LTBP1: variants seen among roughly 807,000 people sequenced by gnomAD.
LTBP1 encodes latent transforming growth factor beta binding protein 1.
Under a neutral mutation model 207.6 loss-of-function variants are expected in LTBP1, and 129 were observed. The observed-to-expected ratio is 0.62, with a 90% confidence interval of 0.54 to 0.72. The LOEUF (loss-of-function observed/expected upper bound fraction) is 0.72, where lower values mean the gene tolerates loss of function less well. Ranked by LOEUF, LTBP1 falls within the 30% of genes least tolerant of loss-of-function variation. LTBP1 has a pLI of 0.00. For synonymous variants in LTBP1, 963 were observed against 833.7 expected (o/e 1.16, Z -2.67); for missense variants, 2,281 against 2,217.2 (o/e 1.03, Z -0.58).
chr2:33,004,091 T>C (rs1686426563), intron 2 of LTBP1, among the ~76,000 whole-genome samples: 1 of 127,848 alleles, frequency 7.8e-6, no homozygotes, highest in Non-Finnish European at 1.6e-5. Flanking sequence ...CATTCCTTAA[T>C]AAATATCATT....
chr2:33,113,977 A>T (rs1283364293), intron 4 of LTBP1, among the ~76,000 whole-genome samples: 2 of 152,172 alleles, frequency 1.3e-5, no homozygotes, highest in Non-Finnish European at 2.9e-5. Context: ...GGTAGCTGGG[A>T]TTACAGGTGT....
intron 5 of LTBP1, among the ~76,000 whole-genome samples, chr2:33,153,379 C>A (rs1408455305): frequency 6.6e-6 from 1 of 152,080 alleles, no homozygotes; most frequent in Non-Finnish European, 1.5e-5. Flanking sequence ...TCCTTGGTGG[C>A]CTGAAGGAAG....
At chr2:33,361,402 T>TC in intron 27 of LTBP1, 27 bp from the exon 28 acceptor site, 1 of 1,437,674 alleles carries the variant, frequency 7.0e-7, no homozygotes, top group Non-Finnish European at 9.4e-7. Context: ...TGAATCTTTT[T>TC]TTTTTTTTTG....
chr2:33,169,632 A>T (rs971505944), intron 5 of LTBP1, among the ~76,000 whole-genome samples: 1 of 152,264 alleles, frequency 6.6e-6, no homozygotes, highest in Non-Finnish European at 1.5e-5. Context: ...AATAGCACTT[A>T]TAAACTTAAT....
At chr2:33,058,626 T>G (rs1300832443) in intron 3 of LTBP1, among the ~76,000 whole-genome samples, 3 of 152,234 alleles carry the variant, frequency 2.0e-5, no homozygotes, top group Non-Finnish European at 4.4e-5. Flanking sequence ...TATCTTACAT[T>G]TGTGTTTTAA....
At chr2:33,131,546 A>G (rs1415235236) in intron 4 of LTBP1, among the ~76,000 whole-genome samples, 2 of 152,254 alleles carry the variant, frequency 1.3e-5, no homozygotes, top group Non-Finnish European at 2.9e-5. Context: ...TGTCAAAAGC[A>G]GTAGTGCATT....
chr2:33,292,463 C>A (rs998068562), intron 19 of LTBP1, among the ~76,000 whole-genome samples: 4 of 152,172 alleles, frequency 2.6e-5, no homozygotes, highest in African/African-American at 7.2e-5. Context: ...GTTCCTTCCT[C>A]CATAAAATGG....
chr2:33,162,459 A>G (rs1444621196), intron 5 of LTBP1, among the ~76,000 whole-genome samples: 1 of 152,204 alleles, frequency 6.6e-6, no homozygotes, highest in African/African-American at 2.4e-5. Context: ...TTTTAATCAT[A>G]ACAACTCTGA....
At chr2:32,975,163 T>C (rs1481206554) in intron 2 of LTBP1, among the ~76,000 whole-genome samples, 1 of 152,212 alleles carries the variant, frequency 6.6e-6, no homozygotes, top group Non-Finnish European at 1.5e-5. Flanking sequence ...ATAAAACTCT[T>C]GGTTGAAGTT....
At chr2:33,345,326 G>A (rs1461325355) in intron 25 of LTBP1, among the ~76,000 whole-genome samples, 1 of 152,232 alleles carries the variant, frequency 6.6e-6, no homozygotes, top group Non-Finnish European at 1.5e-5. Context: ...TAAGCTCCAT[G>A]AAGGCAGGAG....
At chr2:33,397,327 A>C in intron 33 of LTBP1, 45 bp downstream of exon 33, 1 of 1,602,512 alleles carries the variant, frequency 6.2e-7, no homozygotes, top group South Asian at 1.1e-5. Flanking sequence ...TTTTCCTGAC[A>C]CCCCGTATCT....
At chr2:33,290,994 G>A (rs996786926) in intron 19 of LTBP1, among the ~76,000 whole-genome samples, 5 of 152,190 alleles carry the variant, frequency 3.3e-5, no homozygotes, top group Non-Finnish European at 5.9e-5. Context: ...TCTTTGTAGA[G>A]ATTCTTTAGT....
In LTBP1 at chr2:33,398,613, T is replaced by C; in HGVS notation, c.*68T>C. ...TAAAGGAAAAGGGAGAAATGTATTATACTTGAGACATTGCACCTACCCCGG... is the reference window on the plus strand; with the variant it reads ...TAAAGGAAAAGGGAGAAATGTATTACACTTGAGACATTGCACCTACCCCGG... On this transcript the variant is annotated 3_prime_UTR_variant, in exon 34 of 34. Coordinates refer to ENST00000404816, the MANE Select transcript of LTBP1 (RefSeq NM_206943.4). 1 of 1,421,880 alleles carries C rather than the reference T, an allele frequency of 7.0e-7. No individual in the cohort carries two copies. The highest frequency in any genetic ancestry group is 9.5e-7 in the Non-Finnish European group (1 of 1,050,912). The allele number at this position is 1,421,880 out of a possible 1,614,324, so 88.1% of individuals were successfully genotyped here. A position where few individuals can be genotyped will look rare whatever the true frequency, so the allele number is the denominator to read the frequency against.
intron 2 of LTBP1, among the ~76,000 whole-genome samples, chr2:32,960,418 T>C (rs1332776854): frequency 6.6e-6 from 1 of 152,084 alleles, no homozygotes; most frequent in Non-Finnish European, 1.5e-5. Context: ...AATGAATGAA[T>C]GAATGAATGA....
chr2:33,241,808 C>G (rs112734450), intron 9 of LTBP1, among the ~76,000 whole-genome samples: 1,575 of 152,264 alleles, frequency 0.01, 39 homozygotes, highest in African/African-American at 0.036. Flanking sequence ...TAAGCTCCAA[C>G]TGGACTTGGC....
chr2:33,215,072 T>G (rs563890084), intron 7 of LTBP1, among the ~76,000 whole-genome samples: 1 of 152,148 alleles, frequency 6.6e-6, no homozygotes, highest in South Asian at 2.1e-4. Context: ...ACACGCCTTC[T>G]ACTCCCTGGG....
chr2:32,968,917 A>G (rs866477510), intron 2 of LTBP1, among the ~76,000 whole-genome samples: 4 of 107,300 alleles, frequency 3.7e-5, no homozygotes, highest in African/African-American at 1.1e-4. Context: ...GTGTGTGTGT[A>G]TTTTTTTTTT....
intron 4 of LTBP1, among the ~76,000 whole-genome samples, chr2:33,132,172 G>C (rs1228699939): frequency 6.6e-6 from 1 of 151,958 alleles, no homozygotes; most frequent in Non-Finnish European, 1.5e-5. Flanking sequence ...TTTTTTCTTG[G>C]GTTTCACACA....
intron 13 of LTBP1, among the ~76,000 whole-genome samples, 181 bp from the exon 14 acceptor site, chr2:33,262,540 CT>C (rs369761322): frequency 0.06 from 5,875 of 98,460 alleles, 85 homozygotes; most frequent in Middle Eastern, 0.13. Flanking sequence ...ATCAAAGGTT[CT>C]TTTTTTTTTT....
Sources: allele counts gnomAD v4.1 joint callset (sites outside exome capture counted in the v4.1 genomes callset), GRCh38; gene constraint gnomAD v4.1.1; transcripts MANE v1.5; gene names NCBI Gene and HGNC (gene_info 2026-07-23, HGNC 2026-07-21).